Variants in CSMD1 observed in about 807,000 individuals in gnomAD.
CSMD1 encodes CUB and sushi domain-containing protein 1.
A neutral mutation model predicts 417.5 loss-of-function variants in CSMD1; 213 were observed. That is an observed-to-expected ratio of 0.51 (90% CI 0.46 to 0.57). CSMD1 has a LOEUF of 0.57. Among genes scored for constraint, CSMD1 ranks in the 20% least tolerant of loss-of-function variants. CSMD1 has a pLI of 0.00. For synonymous variants in CSMD1, 2,862 were observed against 1,736.8 expected (o/e 1.65, Z -16.11); for missense variants, 6,923 against 4,529.7 (o/e 1.53, Z -15.17).
intron 39 of CSMD1, among the ~76,000 whole-genome samples, chr8:3,154,174 T>A (rs906921941): frequency 6.6e-6 from 1 of 152,334 alleles, no homozygotes; most frequent in Admixed American, 6.5e-5. Flanking sequence ...GGTTTCACCA[T>A]GTTGGTCAGG....
intron 1 of CSMD1, among the ~76,000 whole-genome samples, chr8:4,704,652 T>G (rs1202705953): frequency 6.6e-6 from 1 of 152,246 alleles, no homozygotes; most frequent in Non-Finnish European, 1.5e-5. Context: ...TACCTTCTAC[T>G]GGTCATTTAA....
At chr8:3,000,693 A>C (rs558913451) in intron 52 of CSMD1, among the ~76,000 whole-genome samples, 11 of 152,344 alleles carry the variant, frequency 7.2e-5, no homozygotes, top group African/African-American at 2.6e-4. Flanking sequence ...TCAGTTGAAA[A>C]GAGAAGTCTA....
chr8:4,443,416 A>C (rs1798597815), intron 2 of CSMD1, among the ~76,000 whole-genome samples: 1 of 152,244 alleles, frequency 6.6e-6, no homozygotes, highest in Non-Finnish European at 1.5e-5. Flanking sequence ...AAATTGCAAC[A>C]ATCTTTATTC....
intron 3 of CSMD1, among the ~76,000 whole-genome samples, chr8:4,182,770 G>A (rs947458574): frequency 3.0e-4 from 45 of 152,048 alleles, no homozygotes; most frequent in African/African-American, 1.0e-3. Flanking sequence ...TAGTAATGCA[G>A]TCTCATAGTT....
chr8:3,534,429 G>A (rs1332350443), intron 10 of CSMD1, among the ~76,000 whole-genome samples: 1 of 150,194 alleles, frequency 6.7e-6, no homozygotes, highest in East Asian at 2.0e-4. Context: ...TTTGTTTTGG[G>A]CAAAGTGCCT....
intron 3 of CSMD1, among the ~76,000 whole-genome samples, chr8:4,398,625 G>C (rs1804432693): frequency 6.6e-6 from 1 of 151,980 alleles, no homozygotes. Flanking sequence ...TCGATCTCCT[G>C]ACCTCCTGAT....
At chr8:4,218,149 G>T (rs1356652) in intron 3 of CSMD1, among the ~76,000 whole-genome samples, 37,043 of 152,008 alleles carry the variant, frequency 0.24, 5,606 homozygotes, top group Non-Finnish European at 0.34. Flanking sequence ...ACTCCTACAT[G>T]CTGAACGTTC....
chr8:3,407,272 T>C lies in CSMD1; in HGVS notation c.2071+627A>G, dbSNP rs931532135. ...GGATGAATGGAAGGATATGGATTGA[T>C]AGATGGATGGAAGGATAAAAGGAAT... On this transcript the variant is annotated intron_variant, in intron 14 of 69. Coordinates refer to ENST00000635120, the MANE Select transcript of CSMD1 (RefSeq NM_033225.6). Among the ~76,000 whole-genome samples the C allele has an allele frequency of 3.3e-5, 5 of 151,108 alleles. 1 individual carries two copies. Among genetic ancestry groups the C allele is most frequent in the Non-Finnish European group, 4.4e-5 (3 of 67,800 alleles).
chr8:3,640,078 T>A (rs1362234017), intron 7 of CSMD1, among the ~76,000 whole-genome samples: 1 of 152,200 alleles, frequency 6.6e-6, no homozygotes, highest in African/African-American at 2.4e-5. Flanking sequence ...AGCAACTTAT[T>A]TTAAAAATTG....
intron 4 of CSMD1, among the ~76,000 whole-genome samples, chr8:4,004,736 A>T (rs911757763): frequency 6.6e-6 from 1 of 151,706 alleles, no homozygotes; most frequent in Non-Finnish European, 1.5e-5. Context: ...ATTATTCTTT[A>T]TTCTTTTTTT....
chr8:3,567,581 A>G (rs1407372370), intron 10 of CSMD1, among the ~76,000 whole-genome samples: 2 of 151,832 alleles, frequency 1.3e-5, no homozygotes, highest in Admixed American at 6.6e-5. Context: ...GGGAAGGGAA[A>G]GGAAGGAAAG....
chr8:3,589,420 A>G (rs2117016624), intron 8 of CSMD1, among the ~76,000 whole-genome samples: 1 of 151,924 alleles, frequency 6.6e-6, no homozygotes, highest in African/African-American at 2.4e-5. Context: ...GCGTGTGTGT[A>G]CACAATGGAA....
chr8:4,821,246 G>T (rs1052003981), intron 1 of CSMD1, among the ~76,000 whole-genome samples: 3 of 152,114 alleles, frequency 2.0e-5, no homozygotes, highest in African/African-American at 7.2e-5. Context: ...GGATTATTAC[G>T]CAGACTCCAG....
chr8:4,968,078 A>G (rs751476987), intron 1 of CSMD1, among the ~76,000 whole-genome samples: 4 of 152,174 alleles, frequency 2.6e-5, no homozygotes, highest in African/African-American at 4.8e-5. Context: ...GCTGAGAAAT[A>G]TAATTTGTTT....
intron 2 of CSMD1, among the ~76,000 whole-genome samples, chr8:4,431,942 C>T (rs961013182): frequency 1.3e-5 from 2 of 151,984 alleles, no homozygotes; most frequent in East Asian, 1.9e-4. Context: ...TTCAAATAAA[C>T]ACAGTATTGT....
At chr8:3,690,820 C>G (rs766027712) in intron 7 of CSMD1, among the ~76,000 whole-genome samples, 2 of 152,106 alleles carry the variant, frequency 1.3e-5, no homozygotes, top group Non-Finnish European at 2.9e-5. Context: ...ATTTTCTAAA[C>G]TAGCAAAATT....
chr8:4,663,149 C>T (rs1420373141), intron 1 of CSMD1, among the ~76,000 whole-genome samples: 2 of 152,158 alleles, frequency 1.3e-5, no homozygotes, highest in African/African-American at 4.8e-5. Context: ...TGTGTCATTT[C>T]CTCTGGAAAC....
At chr8:4,214,122 TTG>T (rs547754271) in intron 3 of CSMD1, among the ~76,000 whole-genome samples, 124 of 145,424 alleles carry the variant, frequency 8.5e-4, no homozygotes, top group African/African-American at 3.5e-3. Flanking sequence ...GTTTTTTTGT[TTG>T]TTTTGTTTTG....
rs143156783 is a variant in CSMD1, at chr8:4,731,292, G to A, written c.86-93734C>T. On this transcript the variant is annotated intron_variant, in intron 1 of 69. Transcript: ENST00000635120. ...CTTGGTTAGAGGCCACCTTCCTCAT[G>A]GGATCCGTCTTTGGAATCAGCAGTT... Among the ~76,000 whole-genome samples, 1,131 of 152,198 alleles carry A rather than the reference G, an allele frequency of 7.4e-3. 4 individuals carry two copies. Among genetic ancestry groups the A allele is most frequent in the Non-Finnish European group, 0.013 (873 of 68,014 alleles).
Sources: allele counts gnomAD v4.1 joint callset (sites outside exome capture counted in the v4.1 genomes callset), GRCh38; gene constraint gnomAD v4.1.1; transcripts MANE v1.5; gene names NCBI Gene and HGNC (gene_info 2026-07-23, HGNC 2026-07-21).